The following ATP10B variants were observed in gnomAD, a reference collection of about 807,000 sequenced individuals.
ATP10B encodes phospholipid-transporting ATPase VB.
In ATP10B, 122 loss-of-function variants were observed where a neutral mutation model predicts 141.2. That is an observed-to-expected ratio of 0.86 (90% CI 0.75 to 1.00). ATP10B has a LOEUF of 1.00. Among genes scored for constraint, ATP10B ranks in the 50% least tolerant of loss-of-function variants. ATP10B has a pLI of 0.00. For synonymous variants in ATP10B, 685 were observed against 692.0 expected, an observed-to-expected ratio of 0.99 and a Z score of 0.16; for missense variants, 1,876 against 1,825.3, an observed-to-expected ratio of 1.03 and a Z score of -0.51.
chr5:160,823,001 CAT>C (rs60078265), intron 1 of ATP10B, among the ~76,000 whole-genome samples: 402 of 34,482 alleles, frequency 0.012, 10 homozygotes, highest in African/African-American at 0.036. Context: ...TATATATATA[CAT>C]ATATATATAT....
At chr5:160,728,728 G>A (rs575478007) in intron 2 of ATP10B, among the ~76,000 whole-genome samples, 40 of 152,278 alleles carry the variant, frequency 2.6e-4, no homozygotes, top group Non-Finnish European at 4.6e-4. Flanking sequence ...TGCAATTGTT[G>A]TCAGACCTTA....
chr5:160,640,413 CA>C (rs1759750973), intron 10 of ATP10B, 47 bp downstream of exon 10: 7 of 1,586,966 alleles, frequency 4.4e-6, no homozygotes, highest in Non-Finnish European at 5.2e-6. Flanking sequence ...GAAACTTGCC[CA>C]AATAAATCGA....
chr5:160,730,769 T>C (rs1766683712), intron 2 of ATP10B, among the ~76,000 whole-genome samples: 1 of 152,152 alleles, frequency 6.6e-6, no homozygotes, highest in Non-Finnish European at 1.5e-5. Context: ...CCCAGCACCA[T>C]GTTTCCATAT....
chr5:160,895,595 T>C, the ATP10B span, among the ~76,000 whole-genome samples: 1 of 152,120 alleles, frequency 6.6e-6, no homozygotes. Context: ...CACACAATAA[T>C]AGTGGGAGAC....
intron 25 of ATP10B, among the ~76,000 whole-genome samples, chr5:160,566,714 G>A (rs776178717): frequency 1.1e-4 from 17 of 152,076 alleles, no homozygotes; most frequent in Non-Finnish European, 1.6e-4. Flanking sequence ...ATAACTATGC[G>A]GTGTATGGAG....
At chr5:160,673,362 T>A (rs1420771799) in intron 6 of ATP10B, among the ~76,000 whole-genome samples, 1 of 152,210 alleles carries the variant, frequency 6.6e-6, no homozygotes, top group Non-Finnish European at 1.5e-5. Flanking sequence ...CAATGTGTAA[T>A]AATCACATCA....
intron 24 of ATP10B, among the ~76,000 whole-genome samples, chr5:160,580,587 A>G (rs1274386403): frequency 6.6e-6 from 1 of 152,184 alleles, no homozygotes; most frequent in Non-Finnish European, 1.5e-5. Context: ...GGATTTTTGC[A>G]TCAATGTTTA....
At chr5:160,716,645 C>G (rs905466832) in intron 3 of ATP10B, among the ~76,000 whole-genome samples, 2 of 152,160 alleles carry the variant, frequency 1.3e-5, no homozygotes, top group Non-Finnish European at 2.9e-5. Context: ...CATTTAACAA[C>G]TACAAAAACA....
At chr5:160,881,631 T>C in the ATP10B span, among the ~76,000 whole-genome samples, 3,668 of 151,954 alleles carry the variant, frequency 0.024, 65 homozygotes, top group Middle Eastern at 0.037. Flanking sequence ...GCTAACACGG[T>C]GAAACCCCAT....
At chr5:160,617,209 G>A (rs1321163337) in intron 16 of ATP10B, among the ~76,000 whole-genome samples, 2 of 152,178 alleles carry the variant, frequency 1.3e-5, no homozygotes, top group African/African-American at 4.8e-5. Context: ...TGACTCATTC[G>A]GTGTCCACAC....
chr5:160,615,943 G>A lies in ATP10B; in HGVS notation c.2548C>T (p.Arg850Trp), dbSNP rs754741809. 2.5e-5 allele frequency: 40 copies of A among 1,613,602 alleles called. No homozygotes were observed. Among genetic ancestry groups the A allele is most frequent in the Non-Finnish European group, 3.1e-5 (36 of 1,179,752 alleles). The change falls in exon 17 of 26, where the codon CGG becomes TGG. Residue 850 changes from arginine to tryptophan, a missense_variant. Coordinates refer to ENST00000327245, the MANE Select transcript of ATP10B (RefSeq NM_025153.3). ...AKKVVSEEDF[R>W]RWASFRREAE... ...TCACGCCGGAAACTGGCCCATCTCC[G>A]GAAGTCCTCTTCGCTTACAACCTAT...
intron 3 of ATP10B, among the ~76,000 whole-genome samples, chr5:160,694,165 C>T (rs1406966007): frequency 1.3e-5 from 2 of 152,158 alleles, no homozygotes; most frequent in Non-Finnish European, 2.9e-5. Context: ...AGCTCTTTGA[C>T]CCACTGCCCC....
At chr5:160,877,797 A>G in the ATP10B span, among the ~76,000 whole-genome samples, 1 of 120,596 alleles carries the variant, frequency 8.3e-6, no homozygotes, top group African/African-American at 2.6e-5. Context: ...TGCTTCAAAG[A>G]GAATAAAATA....
chr5:160,748,926 C>T (rs550888364), intron 2 of ATP10B, among the ~76,000 whole-genome samples: 4 of 152,246 alleles, frequency 2.6e-5, no homozygotes, highest in East Asian at 3.9e-4. Flanking sequence ...CTGCACTTGG[C>T]CCCCCGTATA....
intron 1 of ATP10B, among the ~76,000 whole-genome samples, chr5:160,834,888 G>C (rs1775321924): frequency 6.6e-6 from 1 of 152,124 alleles, no homozygotes; most frequent in South Asian, 2.1e-4. Flanking sequence ...AATGAACTTA[G>C]TCTGTATGCA....
chr5:160,626,532 T>C (rs1186968329), intron 13 of ATP10B, among the ~76,000 whole-genome samples: 1 of 152,228 alleles, frequency 6.6e-6, no homozygotes, highest in Non-Finnish European at 1.5e-5. Context: ...TCGCAGATAA[T>C]GTGCTGGGAC....
chr5:160,568,563 T>C (rs968993913), intron 25 of ATP10B, among the ~76,000 whole-genome samples: 2 of 152,214 alleles, frequency 1.3e-5, no homozygotes, highest in African/African-American at 4.8e-5. Flanking sequence ...TCAAGTTCAC[T>C]GCTCTGACTA....
chr5:160,823,024 A>G (rs1231115164), intron 1 of ATP10B, among the ~76,000 whole-genome samples: 2 of 130,476 alleles, frequency 1.5e-5, no homozygotes, highest in African/African-American at 5.5e-5. Flanking sequence ...ATATATATAT[A>G]TATATATATA....
rs778564169 is a variant in ATP10B, at chr5:160,640,456, C to T, written c.1000+5G>A. The T allele has an allele frequency of 9.3e-6, 15 of 1,613,608 alleles. No individual in the cohort carries two copies. The highest frequency in any genetic ancestry group is 1.3e-5 in the African/African-American group (1 of 74,904). ...TGTCCTTGTTCTTTCCAGAACATCC[C>T]ATACCTACAGCTCCAATAAGGCACA... On this transcript the variant is annotated splice_donor_5th_base_variant and intron_variant, in intron 10 of 25. Transcript: ENST00000327245.
Sources: allele counts gnomAD v4.1 joint callset (sites outside exome capture counted in the v4.1 genomes callset), GRCh38; gene constraint gnomAD v4.1.1; transcripts MANE v1.5; gene names NCBI Gene and HGNC (gene_info 2026-07-23, HGNC 2026-07-21).